Variants in TFAP2E observed in about 807,000 individuals in gnomAD.
TFAP2E encodes the protein transcription factor AP-2 epsilon.
TFAP2E carries 30 observed loss-of-function variants against 37.9 expected under a neutral mutation model. The ratio of observed to expected loss-of-function variants is 0.79; its 90% CI spans 0.59 to 1.07. TFAP2E has a LOEUF of 1.07. TFAP2E is among the 50% of genes least tolerant of loss of function. TFAP2E has a pLI of 0.00. For missense variants in TFAP2E, 567 were observed against 637.9 expected (o/e 0.89, Z 1.20); for synonymous variants, 318 against 295.8 (o/e 1.08, Z -0.77).
intron 6 of TFAP2E, among the ~76,000 whole-genome samples, chr1:35,593,272 A>C (rs1308892279): frequency 6.6e-6 from 1 of 152,116 alleles, no homozygotes; most frequent in Non-Finnish European, 1.5e-5. Context: ...CTGGGATCAC[A>C]CCACTGCACT....
chr1:35,574,650 CTTCTT>C, intron 2 of TFAP2E: 5 of 712,952 alleles, frequency 7.0e-6, no homozygotes, highest in Non-Finnish European at 1.1e-5. Context: ...GACCGAATCA[CTTCTT>C]TTCTCCCCGC....
intron 3 of TFAP2E, among the ~76,000 whole-genome samples, chr1:35,587,778 G>A (rs905624333): frequency 2.0e-5 from 3 of 152,020 alleles, no homozygotes; most frequent in Admixed American, 1.3e-4. Context: ...TTTAGCATTC[G>A]CAGAGTGACT....
Position 35,587,653 on chromosome 1 carries a change from A to AAAAAAGGAAAG in TFAP2E, c.563-674_563-673insAAGGAAAGAAA, listed in dbSNP as rs796133136. On this transcript the variant is annotated intron_variant, in intron 3 of 6. Transcript: ENST00000373235. Reference sequence around the variant, plus strand: ...CTCCATCTCAAAAAAAAAAAAAAAAAAAAGAAAGAAAGAAAGAAAATTAAC... The same window carrying AAAAAAGGAAAG: ...CTCCATCTCAAAAAAAAAAAAAAAAAAAAAAGGAAAGAAAGAAAGAAAGAAAGAAAATTAAC... Among the ~76,000 whole-genome samples, 23 of 147,718 alleles carry AAAAAAGGAAAG rather than the reference A, an allele frequency of 1.6e-4. 1 individual carries two copies. Among genetic ancestry groups the AAAAAAGGAAAG allele is most frequent in the African/African-American group, 5.2e-4 (20 of 38,572 alleles).
In TFAP2E at chr1:35,590,576, A is replaced by G. The variant is rs1191961362; in HGVS notation, c.905-58A>G. ...CCTGACCAGGGGGTCAGAGGTTCAA[A>G]GCTGTGTTCCAGGCGCAGAGGTACA... On this transcript the variant is annotated intron_variant, in intron 5 of 6. Transcript: ENST00000373235. This position sits in a 1 kb window ranked among gnomAD's most constrained non-coding sequence, Gnocchi z 6.2. 2.1e-6 allele frequency: 3 copies of G among 1,410,394 alleles called. No individual in the cohort carries two copies. In the East Asian group the frequency reaches 7.5e-5, roughly 35 times the overall value. The allele number at this position is 1,410,394 out of a possible 1,614,324, so 87.4% of individuals were successfully genotyped here. A position where few individuals can be genotyped will look rare whatever the true frequency, so the allele number is the denominator to read the frequency against.
chr1:35,582,446 G>A (rs986094796), intron 3 of TFAP2E, among the ~76,000 whole-genome samples: 3 of 146,786 alleles, frequency 2.0e-5, no homozygotes, highest in Non-Finnish European at 4.5e-5. Context: ...CCAGTTTGTG[G>A]TTTATCGTTT....
Position 35,573,703 on chromosome 1 carries a change from A to G in TFAP2E, c.27+99A>G. The G allele has an allele frequency of 1.3e-6, 2 of 1,490,454 alleles. No homozygotes were observed. Among genetic ancestry groups the G allele is most frequent in the Non-Finnish European group, 9.0e-7 (1 of 1,114,338 alleles). 92.3% of individuals were successfully genotyped at this position (1,490,454 alleles called of 1,614,324 possible). A position where few individuals can be genotyped will look rare whatever the true frequency, so the allele number is the denominator to read the frequency against. ...CTGTCCCGCGCTAACGAAATCTCGG[A>G]GGGAGGGGGCCGCAGGGACTTCGCC... On this transcript the variant is annotated intron_variant, in intron 1 of 6. Coordinates refer to ENST00000373235, the MANE Select transcript of TFAP2E (RefSeq NM_178548.4). The surrounding 1 kb of genome is among the most constrained non-coding windows in gnomAD (Gnocchi z 5.9).
rs901826822 is a variant in TFAP2E, at chr1:35,593,041, AAGAG to A, written c.1047-1349_1047-1346del. Among the ~76,000 whole-genome samples, 4 of 135,938 alleles carry A rather than the reference AAGAG, an allele frequency of 2.9e-5. No homozygotes were observed. The South Asian group carries it at 8.9e-4, about 30-fold the overall frequency. The allele number at this position is 135,938 out of a possible 152,430, so 89.2% of individuals were successfully genotyped here. On this transcript the variant is annotated intron_variant, in intron 6 of 6. Transcript: ENST00000373235. ...GACAGAGAGAGGAGGGGGATAGAGA[AAGAG>A]AGAAAGAAAGAGAGAGAGACTGAGT...
intron 3 of TFAP2E, among the ~76,000 whole-genome samples, chr1:35,576,576 T>C (rs1428553369): frequency 5.3e-5 from 8 of 152,118 alleles, no homozygotes; most frequent in Non-Finnish European, 8.8e-5. Flanking sequence ...ACTGACTCCC[T>C]GAGAAAGACT....
intron 6 of TFAP2E, among the ~76,000 whole-genome samples, chr1:35,592,284 C>CA (rs111541357): frequency 0.033 from 4,005 of 122,084 alleles, 130 homozygotes; most frequent in African/African-American, 0.088. Context: ...GACCCCATCT[C>CA]AAAAAAAAAA....
Position 35,584,906 on chromosome 1 carries a change from C to T in TFAP2E, c.563-3424C>T, listed in dbSNP as rs567541741. On this transcript the variant is annotated intron_variant, in intron 3 of 6. Transcript: ENST00000373235. ...TTTATACATACAGTATAGTTCAGTT[C>T]GGGTTCCCAGAGCCCTTGCATCATT... Among the ~76,000 whole-genome samples the T allele has an allele frequency of 5.9e-5, 9 of 152,244 alleles. No homozygotes were observed. The South Asian group carries it at 1.0e-3, about 18-fold the overall frequency.
chr1:35,590,704 C>A lies in TFAP2E; in HGVS notation c.975C>A (p.Ala325=). The change falls in exon 6 of 7, where the codon GCC becomes GCA. Residue 325 remains alanine, a synonymous_variant. Transcript: ENST00000373235. This position sits in a 1 kb window ranked among gnomAD's most constrained non-coding sequence, Gnocchi z 6.2. ...CGGAGTTCCCAGCCAAGGCAGCTGC[C>A]GAGTACCTGTGCCGACAGCACGCTG... ...CETEFPAKAA[A]EYLCRQHADP... 6.4e-7 allele frequency: 1 copy of A among 1,556,448 alleles called. No individual in the cohort carries two copies. Among genetic ancestry groups the A allele is most frequent in the Non-Finnish European group, 8.8e-7 (1 of 1,141,828 alleles).
rs923043211 is a variant in TFAP2E, at chr1:35,588,941, G to C, written c.785+389G>C. Among the ~76,000 whole-genome samples, 1 of 152,176 alleles carries C rather than the reference G, an allele frequency of 6.6e-6. No individual in the cohort carries two copies. Among genetic ancestry groups the C allele is most frequent in the South Asian group, 2.1e-4 (1 of 4,830 alleles). On this transcript the variant is annotated intron_variant, in intron 4 of 6. Coordinates refer to ENST00000373235, the MANE Select transcript of TFAP2E (RefSeq NM_178548.4). This position sits in a 1 kb window ranked among gnomAD's most constrained non-coding sequence, Gnocchi z 5.1. ...GCATAGGCCCTGTGTGTTTTGGGGT[G>C]TGGAGCATGGTAGTCCATGGTTCAT...
Position 35,573,862 on chromosome 1 carries a change from T to C in TFAP2E, c.28-65T>C. ...CTGAACCCTCCCGAGCTGAGGAGGA[T>C]CCTTTCAGGCTGGGGTCCTTTCAGC... On this transcript the variant is annotated intron_variant, in intron 1 of 6. Coordinates refer to ENST00000373235, the MANE Select transcript of TFAP2E (RefSeq NM_178548.4). This position sits in a 1 kb window ranked among gnomAD's most constrained non-coding sequence, Gnocchi z 5.9. The C allele has an allele frequency of 5.7e-6, 8 of 1,404,532 alleles. No individual in the cohort carries two copies. The highest frequency in any genetic ancestry group is 6.4e-6 in the Non-Finnish European group (7 of 1,087,192). 87.0% of individuals were successfully genotyped at this position (1,404,532 alleles called of 1,614,324 possible). A position where few individuals can be genotyped will look rare whatever the true frequency, so the allele number is the denominator to read the frequency against.
In TFAP2E at chr1:35,590,988, C is replaced by T. The variant is rs1274263829; in HGVS notation, c.1046+213C>T. Among the ~76,000 whole-genome samples, 3 of 152,058 alleles carry T rather than the reference C, an allele frequency of 2.0e-5. No individual in the cohort carries two copies. Among genetic ancestry groups the T allele is most frequent in the East Asian group, 1.9e-4 (1 of 5,180 alleles). On this transcript the variant is annotated intron_variant, in intron 6 of 6. Transcript: ENST00000373235. This position sits in a 1 kb window ranked among gnomAD's most constrained non-coding sequence, Gnocchi z 6.2. Reference sequence around the variant, plus strand: ...ACACGTATGTGTGCGCCACTGTGTACGTGAGCAGTGGGCACACACACGTAC... The same window carrying T: ...ACACGTATGTGTGCGCCACTGTGTATGTGAGCAGTGGGCACACACACGTAC...
intron 3 of TFAP2E, among the ~76,000 whole-genome samples, chr1:35,579,166 C>T (rs1167003838): frequency 2.2e-5 from 3 of 134,926 alleles, no homozygotes; most frequent in Non-Finnish European, 4.7e-5. Context: ...GAGGCCGAGG[C>T]GGGTGGATCA....
intron 3 of TFAP2E, among the ~76,000 whole-genome samples, chr1:35,587,128 C>T (rs1251784331): frequency 6.6e-6 from 1 of 152,100 alleles, no homozygotes; most frequent in Non-Finnish European, 1.5e-5. Flanking sequence ...GCTGTTAGTC[C>T]CAGACTCCAC....
chr1:35,582,666 T>C (rs1259954083), intron 3 of TFAP2E, among the ~76,000 whole-genome samples: 1 of 151,616 alleles, frequency 6.6e-6, no homozygotes, highest in Non-Finnish European at 1.5e-5. Context: ...AAAAACTTTT[T>C]AGAGATAGGT....
At chr1:35,579,178 C>G (rs1184360027) in intron 3 of TFAP2E, among the ~76,000 whole-genome samples, 2 of 145,000 alleles carry the variant, frequency 1.4e-5, no homozygotes, top group African/African-American at 5.1e-5. Flanking sequence ...GGTGGATCAC[C>G]TGAGGTCTGG....
chr1:35,574,778 G>A (rs1571095312), intron 2 of TFAP2E, 171 bp from the exon 3 acceptor site: 4 of 818,910 alleles, frequency 4.9e-6, no homozygotes, highest in East Asian at 2.5e-5. Flanking sequence ...GATGCCCAGG[G>A]CTCCAGCTCA....
Sources: gnomAD v4.1 joint callset for allele counts (sites outside exome capture counted in the v4.1 genomes callset) on GRCh38, gnomAD v4.1.1 for gene constraint, Gnocchi (gnomAD v3.1) non-coding constraint, MANE v1.5 for transcripts, NCBI Gene and HGNC (gene_info 2026-07-23, HGNC 2026-07-21) for gene names.